Variants in CAMK2D observed in about 807,000 individuals in gnomAD.
CAMK2D encodes calcium/calmodulin dependent protein kinase II delta.
A neutral mutation model predicts 84.0 loss-of-function variants in CAMK2D; 37 were observed. The observed-to-expected ratio is 0.44, with a 90% CI of 0.34 to 0.58. The LOEUF (loss-of-function observed/expected upper bound fraction) is 0.58, where lower values mean the gene tolerates loss of function less well. Ranked by LOEUF, CAMK2D falls within the 20% of genes least tolerant of loss-of-function variation. CAMK2D has a pLI of 0.02. For missense variants in CAMK2D, 448 were observed against 652.5 expected, an observed-to-expected ratio of 0.69 and a Z score of 3.41; for synonymous variants, 202 against 212.5, an observed-to-expected ratio of 0.95 and a Z score of 0.43.
intron 16 of CAMK2D, among the ~76,000 whole-genome samples, chr4:113,469,745 G>A (rs901663044): frequency 6.6e-6 from 1 of 152,110 alleles, no homozygotes; most frequent in Non-Finnish European, 1.5e-5. Context: ...TTGGTGAATG[G>A]CAAGATCATC....
intron 16 of CAMK2D, among the ~76,000 whole-genome samples, chr4:113,479,004 G>A (rs1231170464): frequency 1.3e-5 from 2 of 152,028 alleles, no homozygotes; most frequent in African/African-American, 4.8e-5. Context: ...AGACAGACAT[G>A]CTGTAAATAA....
intron 3 of CAMK2D, among the ~76,000 whole-genome samples, chr4:113,609,703 C>T (rs1238182712): frequency 1.3e-5 from 2 of 152,116 alleles, no homozygotes. Flanking sequence ...AAATGGTTTC[C>T]CTGTGTTCTC....
At chr4:113,736,091 C>T (rs1048623003) in intron 2 of CAMK2D, among the ~76,000 whole-genome samples, 1 of 149,706 alleles carries the variant, frequency 6.7e-6, no homozygotes, top group African/African-American at 2.5e-5. Flanking sequence ...CTAAAACCTT[C>T]ACTTTCAAAT....
intron 2 of CAMK2D, among the ~76,000 whole-genome samples, chr4:113,751,262 A>C (rs909999529): frequency 6.6e-6 from 1 of 152,200 alleles, no homozygotes; most frequent in Non-Finnish European, 1.5e-5. Flanking sequence ...AATTATCCAG[A>C]ACATTGCCTC....
At chr4:113,492,656 G>T in intron 16 of CAMK2D, among the ~76,000 whole-genome samples, 1 of 150,514 alleles carries the variant, frequency 6.6e-6, no homozygotes, top group Non-Finnish European at 1.5e-5. Context: ...TGTCTATTAG[G>T]TCCACTTGGT....
intron 4 of CAMK2D, among the ~76,000 whole-genome samples, chr4:113,593,306 G>A (rs2098902431): frequency 6.6e-6 from 1 of 152,222 alleles, no homozygotes; most frequent in African/African-American, 2.4e-5. Context: ...CCATAGAAGT[G>A]AGTTTACAGT....
intron 4 of CAMK2D, among the ~76,000 whole-genome samples, chr4:113,595,440 TTGTGTG>T (rs71582188): frequency 0.019 from 2,679 of 143,334 alleles, 64 homozygotes; most frequent in African/African-American, 0.054. Flanking sequence ...TTATGTATGC[TTGTGTG>T]TGTGTGTGTG....
intron 3 of CAMK2D, among the ~76,000 whole-genome samples, chr4:113,614,518 A>C (rs1362494761): frequency 6.6e-6 from 1 of 152,170 alleles, no homozygotes; most frequent in Non-Finnish European, 1.5e-5. Context: ...TGCTAAAAGA[A>C]AAGATCAGGT....
chr4:113,576,850 C>T (rs1483336947), intron 4 of CAMK2D, among the ~76,000 whole-genome samples: 2 of 151,920 alleles, frequency 1.3e-5, no homozygotes, highest in African/African-American at 4.8e-5. Flanking sequence ...TCTCATGCAC[C>T]CTTCTAATTC....
intron 4 of CAMK2D, among the ~76,000 whole-genome samples, chr4:113,559,682 G>A (rs77781357): frequency 0.041 from 6,231 of 152,320 alleles, 164 homozygotes; most frequent in South Asian, 0.081. Flanking sequence ...GTTAAATTGT[G>A]TTTCACACGT....
chr4:113,594,710 T>C (rs1199591299), intron 4 of CAMK2D, among the ~76,000 whole-genome samples: 1 of 151,894 alleles, frequency 6.6e-6, no homozygotes, highest in Non-Finnish European at 1.5e-5. Flanking sequence ...GATATGACAA[T>C]AGAAAAAACT....
chr4:113,569,592 T>A (rs775255522), intron 4 of CAMK2D, among the ~76,000 whole-genome samples: 2 of 152,218 alleles, frequency 1.3e-5, no homozygotes, highest in African/African-American at 2.4e-5. Flanking sequence ...CAAAACAATA[T>A]ACCTGTTACC....
intron 2 of CAMK2D, among the ~76,000 whole-genome samples, chr4:113,730,466 T>C (rs1270135479): frequency 6.6e-6 from 1 of 152,214 alleles, no homozygotes; most frequent in Admixed American, 6.5e-5. Context: ...TAGATAGTAT[T>C]AGCCATATAT....
At chr4:113,700,951 G>A (rs2099415834) in intron 2 of CAMK2D, among the ~76,000 whole-genome samples, 1 of 152,094 alleles carries the variant, frequency 6.6e-6, no homozygotes, top group Non-Finnish European at 1.5e-5. Context: ...GTAATTTCAA[G>A]TTCTCAAATT....
At chr4:113,715,421 T>A (rs1306910662) in intron 2 of CAMK2D, among the ~76,000 whole-genome samples, 1 of 152,136 alleles carries the variant, frequency 6.6e-6, no homozygotes, top group Non-Finnish European at 1.5e-5. Flanking sequence ...TTTATTCTCA[T>A]ATGCTATGAG....
chr4:113,639,920 A>C (rs1046877801), intron 3 of CAMK2D, among the ~76,000 whole-genome samples: 2 of 152,144 alleles, frequency 1.3e-5, no homozygotes, highest in Non-Finnish European at 2.9e-5. Flanking sequence ...CCCATTCTTC[A>C]TAGCAAAGGG....
chr4:113,691,464 A>G (rs2154341358), intron 2 of CAMK2D, among the ~76,000 whole-genome samples: 1 of 152,306 alleles, frequency 6.6e-6, no homozygotes, highest in Non-Finnish European at 1.5e-5. Flanking sequence ...TAAAAGGAGC[A>G]AATGGGTCAG....
chr4:113,530,083 C>T (rs1444311435), intron 8 of CAMK2D, among the ~76,000 whole-genome samples: 1 of 152,194 alleles, frequency 6.6e-6, no homozygotes, highest in Non-Finnish European at 1.5e-5. Context: ...TACTGTAAGT[C>T]GATCACTAGA....
intron 4 of CAMK2D, among the ~76,000 whole-genome samples, chr4:113,578,261 G>A (rs11731920): frequency 0.72 from 110,089 of 151,970 alleles, 40,164 homozygotes; most frequent in Middle Eastern, 0.78. Flanking sequence ...CAAGTATCCT[G>A]GGACTCTGTT....
Sources: gnomAD v4.1 joint callset for allele counts (sites outside exome capture counted in the v4.1 genomes callset) on GRCh38, gnomAD v4.1.1 for gene constraint, MANE v1.5 for transcripts, NCBI Gene and HGNC (gene_info 2026-07-23, HGNC 2026-07-21) for gene names.